EGFLAM: variants seen among roughly 807,000 people sequenced by gnomAD.
EGFLAM encodes pikachurin.
Under a neutral mutation model 113.1 loss-of-function variants are expected in EGFLAM, and 79 were observed. The ratio of observed to expected loss-of-function variants is 0.70; its 90% CI spans 0.58 to 0.84. The LOEUF (loss-of-function observed/expected upper bound fraction) is 0.84, where lower values mean the gene tolerates loss of function less well. EGFLAM is among the 40% of genes least tolerant of loss of function. The pLI, the probability that EGFLAM is intolerant of heterozygous loss-of-function variation, is 0.00. For missense variants in EGFLAM, 1,265 were observed against 1,291.6 expected (o/e 0.98, Z 0.32); for synonymous variants, 504 against 487.6 (o/e 1.03, Z -0.44).
chr5:38,438,259 G>A lies in EGFLAM; in HGVS notation c.2284-16G>A. On this transcript the variant is annotated splice_polypyrimidine_tract_variant and intron_variant, in intron 16 of 21. Coordinates refer to ENST00000322350, the MANE Select transcript of EGFLAM (RefSeq NM_152403.4). ...TTTCTTAATTCCTGAATTTCTTTAT[G>A]TTTTTCTCTCTCAAGATCATCCTGA... is the stretch of plus-strand genomic sequence containing the variant. 6.3e-7 allele frequency: 1 copy of A among 1,598,806 alleles called. No homozygotes were observed. Among genetic ancestry groups the A allele is most frequent in the Non-Finnish European group, 8.5e-7 (1 of 1,171,136 alleles).
chr5:38,376,614 A>G (rs1312454004), intron 6 of EGFLAM, among the ~76,000 whole-genome samples: 1 of 152,086 alleles, frequency 6.6e-6, no homozygotes, highest in East Asian at 1.9e-4. Context: ...CTTCCCTCAG[A>G]TCTTTCTATG....
intron 14 of EGFLAM, among the ~76,000 whole-genome samples, chr5:38,429,102 A>G (rs1742106476): frequency 6.6e-6 from 1 of 152,234 alleles, no homozygotes; most frequent in South Asian, 2.1e-4. Context: ...TGGCCAGATC[A>G]TTTTAACTTT....
intron 6 of EGFLAM, among the ~76,000 whole-genome samples, chr5:38,381,904 G>A (rs1207845213): frequency 6.6e-6 from 1 of 152,132 alleles, no homozygotes; most frequent in African/African-American, 2.4e-5. Flanking sequence ...TAAAATTAGT[G>A]AGATTCCTTT....
chr5:38,459,766 C>T (rs568138536), intron 20 of EGFLAM, among the ~76,000 whole-genome samples: 1 of 118,890 alleles, frequency 8.4e-6, no homozygotes, highest in South Asian at 3.4e-4. Context: ...TGCTGGGCCC[C>T]CAACCCCTGG....
chr5:38,336,569 G>A (rs970705144), intron 1 of EGFLAM, among the ~76,000 whole-genome samples: 4 of 85,740 alleles, frequency 4.7e-5, no homozygotes, highest in East Asian at 2.3e-4. Flanking sequence ...GTGAGACTCC[G>A]TACACACACA....
intron 1 of EGFLAM, among the ~76,000 whole-genome samples, chr5:38,270,899 T>C (rs1757750479): frequency 6.6e-6 from 1 of 152,222 alleles, no homozygotes; most frequent in African/African-American, 2.4e-5. Context: ...TTAACTTTTC[T>C]ATATTTATTG....
At chr5:38,428,956 G>A (rs1052484472) in intron 14 of EGFLAM, among the ~76,000 whole-genome samples, 17 of 152,164 alleles carry the variant, frequency 1.1e-4, no homozygotes, top group African/African-American at 3.6e-4. Flanking sequence ...CCTCCTGAGC[G>A]TAAGCTAACA....
chr5:38,402,129 G>A (rs1035674719), intron 6 of EGFLAM: 2 of 152,230 alleles, frequency 1.3e-5, no homozygotes, highest in Non-Finnish European at 2.9e-5. Flanking sequence ...ATGGGAAAAA[G>A]CATTAACCAA....
intron 6 of EGFLAM, among the ~76,000 whole-genome samples, chr5:38,371,845 G>A (rs536976253): frequency 1.3e-5 from 2 of 152,256 alleles, no homozygotes; most frequent in Admixed American, 6.5e-5. Flanking sequence ...GAACTTTATG[G>A]AATAGCAGGA....
intron 1 of EGFLAM, among the ~76,000 whole-genome samples, chr5:38,309,013 T>C (rs1479111723): frequency 2.6e-5 from 4 of 152,224 alleles, no homozygotes; most frequent in Non-Finnish European, 5.9e-5. Flanking sequence ...AAGAGCCAAT[T>C]GTTAAATTTT....
chr5:38,333,324 G>T (rs890110625), intron 1 of EGFLAM, among the ~76,000 whole-genome samples: 7 of 152,154 alleles, frequency 4.6e-5, no homozygotes, highest in African/African-American at 1.7e-4. Flanking sequence ...TCCAGTAATG[G>T]GATTGCTGGG....
intron 1 of EGFLAM, among the ~76,000 whole-genome samples, chr5:38,316,041 C>T (rs1291292047): frequency 6.7e-6 from 1 of 149,702 alleles, no homozygotes; most frequent in Non-Finnish European, 1.5e-5. Context: ...CGCGCCACTG[C>T]ACCCCAGCCT....
chr5:38,275,970 A>G (rs1757874031), intron 1 of EGFLAM, among the ~76,000 whole-genome samples: 1 of 152,152 alleles, frequency 6.6e-6, no homozygotes, highest in Non-Finnish European at 1.5e-5. Flanking sequence ...TGAACCACCA[A>G]TGGGTCAATG....
chr5:38,392,692 A>C (rs915950783), intron 6 of EGFLAM, among the ~76,000 whole-genome samples: 1 of 151,016 alleles, frequency 6.6e-6, no homozygotes. Flanking sequence ...TCATTTTTTT[A>C]AAAAATTATA....
chr5:38,311,605 G>GT (rs1579757330), intron 1 of EGFLAM, among the ~76,000 whole-genome samples: 4 of 152,264 alleles, frequency 2.6e-5, no homozygotes, highest in Middle Eastern at 3.4e-3. Flanking sequence ...AAACCTGCCT[G>GT]TTTTTTGCAT....
At chr5:38,314,066 G>A (rs1403428799) in intron 1 of EGFLAM, among the ~76,000 whole-genome samples, 5 of 152,220 alleles carry the variant, frequency 3.3e-5, no homozygotes, top group Non-Finnish European at 5.9e-5. Flanking sequence ...ATGCTGGGGT[G>A]AATGGGTGTG....
chr5:38,383,349 A>C (rs904850058), intron 6 of EGFLAM, among the ~76,000 whole-genome samples: 18 of 152,252 alleles, frequency 1.2e-4, no homozygotes, highest in African/African-American at 4.3e-4. Flanking sequence ...AAATTCAGAA[A>C]GAATTACAAC....
Position 38,288,016 on chromosome 5 carries a change from A to T in EGFLAM, c.97+29165A>T, listed in dbSNP as rs544459741. On this transcript the variant is annotated intron_variant, in intron 1 of 21. Transcript: ENST00000322350. Reference sequence around the variant, plus strand: ...AGATATAATGATTCCTGTTGGAAATAGAAATTACTTAGTTTGTAATTTAAC... The same window carrying T: ...AGATATAATGATTCCTGTTGGAAATTGAAATTACTTAGTTTGTAATTTAAC... Among the ~76,000 whole-genome samples the T allele has an allele frequency of 3.1e-4, 47 of 152,370 alleles. No individual in the cohort carries two copies. In the South Asian group the frequency reaches 4.8e-3, roughly 15 times the overall value.
chr5:38,435,806 CTTT>C (rs60461690), intron 16 of EGFLAM, among the ~76,000 whole-genome samples: 988 of 88,710 alleles, frequency 0.011, 12 homozygotes, highest in African/African-American at 0.045. Flanking sequence ...CCGGCTCTCT[CTTT>C]TTTTTTTTTT....
Sources: allele counts gnomAD v4.1 joint callset (sites outside exome capture counted in the v4.1 genomes callset), GRCh38; gene constraint gnomAD v4.1.1; transcripts MANE v1.5; gene names NCBI Gene and HGNC (gene_info 2026-07-23, HGNC 2026-07-21).